The following AP3B1 variants were observed in gnomAD, a reference collection of about 807,000 sequenced individuals.
AP3B1 encodes adaptor related protein complex 3 subunit beta 1.
Under a neutral mutation model 132.5 loss-of-function variants are expected in AP3B1, and 61 were observed. That is an observed-to-expected ratio of 0.46 (90% CI 0.37 to 0.57). The LOEUF is 0.57. AP3B1 is among the 20% of genes least tolerant of loss of function. The pLI, the probability that AP3B1 is intolerant of heterozygous loss-of-function variation, is 0.00. For missense variants in AP3B1, 1,120 were observed against 1,289.4 expected, an observed-to-expected ratio of 0.87 and a Z score of 2.01; for synonymous variants, 388 against 438.3, an observed-to-expected ratio of 0.89 and a Z score of 1.43.
chr5:78,015,143 T>A (rs1746803011), intron 26 of AP3B1, among the ~76,000 whole-genome samples: 1 of 152,186 alleles, frequency 6.6e-6, no homozygotes, highest in South Asian at 2.1e-4. Context: ...GGTAACTTTA[T>A]AAATTACCAA....
chr5:78,186,385 A>C (rs1382613175), intron 7 of AP3B1, among the ~76,000 whole-genome samples: 1 of 152,176 alleles, frequency 6.6e-6, no homozygotes, highest in African/African-American at 2.4e-5. Context: ...AAATAACAAA[A>C]CTATGGAAAC....
At chr5:78,236,681 C>T (rs995166326) in intron 3 of AP3B1, among the ~76,000 whole-genome samples, 1 of 152,124 alleles carries the variant, frequency 6.6e-6, no homozygotes, top group African/African-American at 2.4e-5. Flanking sequence ...CACTAATAAC[C>T]TTGGTCAGAC....
intron 20 of AP3B1, among the ~76,000 whole-genome samples, chr5:78,102,291 T>A (rs554450745): frequency 6.6e-6 from 1 of 152,226 alleles, no homozygotes; most frequent in East Asian, 1.9e-4. Flanking sequence ...TAAAATAATT[T>A]AAATTTCACT....
intron 2 of AP3B1, among the ~76,000 whole-genome samples, chr5:78,260,529 G>A (rs1221178451): frequency 6.6e-6 from 1 of 152,006 alleles, no homozygotes; most frequent in Non-Finnish European, 1.5e-5. Flanking sequence ...AGAAGGCGGA[G>A]GTTGCAGTGA....
intron 17 of AP3B1, among the ~76,000 whole-genome samples, chr5:78,126,376 G>T (rs1388673685): frequency 1.3e-5 from 2 of 151,768 alleles, no homozygotes; most frequent in East Asian, 1.9e-4. Flanking sequence ...ATGGTGGCAT[G>T]TGGCTGTAAT....
chr5:78,237,628 C>A (rs918393494), intron 3 of AP3B1, among the ~76,000 whole-genome samples: 12 of 152,068 alleles, frequency 7.9e-5, no homozygotes, highest in Non-Finnish European at 1.5e-5. Flanking sequence ...GGCAACATGA[C>A]AAAACCCCGG....
chr5:78,003,081 T>C (rs1746251929), intron 26 of AP3B1, 26 bp from the exon 27 acceptor site: 1 of 1,612,474 alleles, frequency 6.2e-7, no homozygotes, highest in Admixed American at 1.7e-5. Flanking sequence ...GAGAGACCTT[T>C]TATCATAAGA....
chr5:78,004,206 C>A (rs1215517731), intron 26 of AP3B1, among the ~76,000 whole-genome samples: 27 of 152,148 alleles, frequency 1.8e-4, no homozygotes, highest in Admixed American at 1.8e-3. Context: ...TTAGCCCTGA[C>A]AACAGCTCAC....
chr5:78,126,504 CAAAAAAA>C (rs70997969), intron 17 of AP3B1, among the ~76,000 whole-genome samples: 1,780 of 62,368 alleles, frequency 0.029, 43 homozygotes, highest in Admixed American at 0.041. Context: ...GACTCTGTCT[CAAAAAAA>C]AAAAAAAAAA....
chr5:78,070,003 G>T (rs1431608873), intron 22 of AP3B1, among the ~76,000 whole-genome samples: 2 of 152,086 alleles, frequency 1.3e-5, no homozygotes, highest in African/African-American at 4.8e-5. Flanking sequence ...AATAGGGAAA[G>T]ATTCCCTATT....
chr5:78,015,704 A>C, intron 25 of AP3B1, 156 bp from the exon 26 acceptor site: 2 of 717,974 alleles, frequency 2.8e-6, no homozygotes, highest in Non-Finnish European at 4.5e-6. Flanking sequence ...CTAAAACAAA[A>C]TGCAATTGTT....
At chr5:78,228,096 A>G (rs748767118) in intron 4 of AP3B1, 48 bp downstream of exon 4, 47 of 1,300,632 alleles carry the variant, frequency 3.6e-5, no homozygotes, top group Non-Finnish European at 5.1e-5. Flanking sequence ...CACACTTTCA[A>G]CTCTGCAGAA....
chr5:78,262,378 T>A (rs1748131335), intron 2 of AP3B1, among the ~76,000 whole-genome samples: 2 of 152,208 alleles, frequency 1.3e-5, no homozygotes, highest in African/African-American at 4.8e-5. Flanking sequence ...AGGTCTTTGA[T>A]CCATTTTGGT....
In AP3B1 at chr5:78,132,030, C is replaced by T. The variant is rs537559665; in HGVS notation, c.1651-2723G>A. On this transcript the variant is annotated intron_variant, in intron 15 of 26. Transcript: ENST00000255194. Reference sequence around the variant, plus strand: ...AAATCATGTATCTAAAATTCTGTTGCTAATATGCATTAAAGACAGTGTGTA... The same window carrying T: ...AAATCATGTATCTAAAATTCTGTTGTTAATATGCATTAAAGACAGTGTGTA... Among the ~76,000 whole-genome samples, 4 of 152,260 alleles carry T rather than the reference C, an allele frequency of 2.6e-5. No homozygotes were observed. In the East Asian group the frequency reaches 5.8e-4, roughly 22 times the overall value.
At chr5:78,179,643 G>A (rs1744286350) in intron 8 of AP3B1, among the ~76,000 whole-genome samples, 1 of 152,122 alleles carries the variant, frequency 6.6e-6, no homozygotes, top group African/African-American at 2.4e-5. Flanking sequence ...TCATGCCGCT[G>A]TCACCTTATT....
intron 22 of AP3B1, chr5:78,042,794 TC>T (rs1580273748): frequency 6.4e-6 from 1 of 156,510 alleles, no homozygotes; most frequent in East Asian, 1.9e-4. Flanking sequence ...AGTTTGTTGT[TC>T]TTTTTTTCTT....
At chr5:78,149,396 T>A (rs1402432655) in intron 14 of AP3B1, among the ~76,000 whole-genome samples, 1 of 152,134 alleles carries the variant, frequency 6.6e-6, no homozygotes, top group Non-Finnish European at 1.5e-5. Context: ...CTATTAAAAA[T>A]TAATAATTTA....
intron 14 of AP3B1, among the ~76,000 whole-genome samples, chr5:78,153,439 T>C (rs1356089198): frequency 1.3e-5 from 2 of 152,008 alleles, no homozygotes; most frequent in Non-Finnish European, 2.9e-5. Flanking sequence ...AGTCTATGTC[T>C]ATCATTATAG....
At chr5:78,278,610 AAAAAAAAAAAAAAAAGG>A (rs1209007988) in intron 1 of AP3B1, among the ~76,000 whole-genome samples, 10 of 136,212 alleles carry the variant, frequency 7.3e-5, no homozygotes, top group African/African-American at 2.3e-4. Context: ...AAAAAAAAAA[AAAAAAAAAAAAAAAAGG>A]GGGGGGGGGA....
Sources: gnomAD v4.1 joint callset for allele counts (sites outside exome capture counted in the v4.1 genomes callset) on GRCh38, gnomAD v4.1.1 for gene constraint, MANE v1.5 for transcripts, NCBI Gene and HGNC (gene_info 2026-07-23, HGNC 2026-07-21) for gene names.